FAM13C: variants seen among roughly 807,000 people sequenced by gnomAD.
FAM13C encodes family with sequence similarity 13 member C.
FAM13C carries 37 observed loss-of-function variants against 73.2 expected under a neutral mutation model. The observed-to-expected ratio is 0.51, with a 90% CI of 0.39 to 0.67. The LOEUF is 0.67. Ranked by LOEUF, FAM13C falls within the 30% of genes least tolerant of loss-of-function variation. The probability of loss-of-function intolerance (pLI) is 0.00; values close to 1 mark genes in which losing one functional copy is unlikely to be tolerated. For missense variants in FAM13C, 589 were observed against 715.6 expected (o/e 0.82, Z 2.02); for synonymous variants, 246 against 260.9 (o/e 0.94, Z 0.55).
chr10:59,355,926 A>C lies in FAM13C; in HGVS notation c.80T>G (p.Val27Gly), dbSNP rs1855660430. 2 of 1,613,914 alleles carry C rather than the reference A, an allele frequency of 1.2e-6. No individual in the cohort carries two copies. Among genetic ancestry groups the C allele is most frequent in the Non-Finnish European group, 1.7e-6 (2 of 1,179,918 alleles). The stretch of plus-strand genomic sequence containing the variant: ...ATCAGTCTGGTCTTCATGTAGAGAG[A>C]CTGGATCTTCGTCACACCTGGAAGA... ...TTVTECDEDP[V>G]SLHEDQTDCS... The change falls in exon 2 of 14, where the codon GTC (valine) becomes GGC (glycine). Residue 27 changes from valine (V) to glycine (G), a missense_variant. By Grantham distance (109) the Val-to-Gly change is moderately radical. Transcript: ENST00000618804.
Position 59,269,992 on chromosome 10 carries a change from A to T in FAM13C, c.710T>A (p.Leu237Gln), listed in dbSNP as rs1310196038. Residue 237 changes from leucine (L) to glutamine (Q), a missense_variant, in exon 7 of 14, where the codon CTG becomes CAG. By Grantham distance (113) the Leu-to-Gln change is moderately radical (BLOSUM62 -2). Coordinates refer to ENST00000618804, the MANE Select transcript of FAM13C (RefSeq NM_198215.4). ...YHITDGDNPL[L>Q]SPRCSIFSQS... The stretch of plus-strand genomic sequence containing the variant: ...GCTGAAGATGGAGCATCGTGGCGAC[A>T]GCAGTGGGTTATCACCATCAGTGAT... 1 of 1,614,034 alleles carries T rather than the reference A, an allele frequency of 6.2e-7. No homozygotes were observed. Among genetic ancestry groups the T allele is most frequent in the Non-Finnish European group, 8.5e-7 (1 of 1,179,916 alleles).
At chr10:59,350,925 G>A (rs151167859) in intron 3 of FAM13C, among the ~76,000 whole-genome samples, 126 of 152,220 alleles carry the variant, frequency 8.3e-4, no homozygotes, top group African/African-American at 2.7e-3. Context: ...CAAAGTTAAC[G>A]CTTATGGAAC....
chr10:59,360,923 C>T, intron 1 of FAM13C: 1 of 706,522 alleles, frequency 1.4e-6, no homozygotes, highest in Non-Finnish European at 2.2e-6. Context: ...TTTGAACCTG[C>T]CGTGCCTGTG....
intron 3 of FAM13C, among the ~76,000 whole-genome samples, chr10:59,349,000 A>T (rs1050588769): frequency 6.6e-6 from 1 of 152,198 alleles, no homozygotes; most frequent in East Asian, 1.9e-4. Flanking sequence ...ATTCATTTTT[A>T]TAAAATCAGA....
At chr10:59,290,476 T>C (rs1846091609) in intron 5 of FAM13C, among the ~76,000 whole-genome samples, 1 of 152,220 alleles carries the variant, frequency 6.6e-6, no homozygotes, top group Non-Finnish European at 1.5e-5. Context: ...TGAATTTCAA[T>C]GTTTCTTGAA....
chr10:59,308,528 C>A (rs1564560055), intron 4 of FAM13C, among the ~76,000 whole-genome samples: 1 of 85,438 alleles, frequency 1.2e-5, no homozygotes, highest in Non-Finnish European at 2.7e-5. Flanking sequence ...CAGCATCACC[C>A]CCATCATCAC....
chr10:59,355,413 A>G (rs7081774), intron 2 of FAM13C, among the ~76,000 whole-genome samples: 20,203 of 152,220 alleles, frequency 0.13, 2,481 homozygotes, highest in African/African-American at 0.32. Flanking sequence ...AGGATGAGAA[A>G]GGAAACATCA....
At chr10:59,353,233 C>T (rs1439487519) in intron 2 of FAM13C, among the ~76,000 whole-genome samples, 1 of 152,136 alleles carries the variant, frequency 6.6e-6, no homozygotes, top group Admixed American at 6.5e-5. Context: ...TCCCTACCCC[C>T]CTCCAGTTAC....
At chr10:59,361,861 C>T (rs776439673) in intron 1 of FAM13C, among the ~76,000 whole-genome samples, 3 of 152,024 alleles carry the variant, frequency 2.0e-5, no homozygotes, top group Non-Finnish European at 1.5e-5. Flanking sequence ...GTGACTCATT[C>T]GTCCCATAGT....
chr10:59,339,353 G>A (rs1007253609), intron 3 of FAM13C, among the ~76,000 whole-genome samples: 1 of 152,056 alleles, frequency 6.6e-6, no homozygotes, highest in African/African-American at 2.4e-5. Context: ...ATTCCCTATA[G>A]GGAGATTTCA....
intron 6 of FAM13C, among the ~76,000 whole-genome samples, chr10:59,271,880 T>C (rs1216962894): frequency 1.3e-5 from 2 of 152,212 alleles, no homozygotes; most frequent in Non-Finnish European, 2.9e-5. Flanking sequence ...ATATTTTTAC[T>C]GAAATGGAAA....
At chr10:59,328,938 A>G (rs1471489220) in intron 3 of FAM13C, among the ~76,000 whole-genome samples, 1 of 152,180 alleles carries the variant, frequency 6.6e-6, no homozygotes, top group African/African-American at 2.4e-5. Context: ...ATCACCCAAG[A>G]GTCCCTTTTT....
At chr10:59,257,679 A>G (rs1421270623) in intron 10 of FAM13C, among the ~76,000 whole-genome samples, 1 of 152,168 alleles carries the variant, frequency 6.6e-6, no homozygotes, top group African/African-American at 2.4e-5. Flanking sequence ...CTGACCATTT[A>G]AATTAAACAA....
chr10:59,267,448 C>A (rs1387840020), intron 8 of FAM13C, among the ~76,000 whole-genome samples: 1 of 152,178 alleles, frequency 6.6e-6, no homozygotes, highest in Non-Finnish European at 1.5e-5. Flanking sequence ...ATGTGTTGAG[C>A]TCCCTTCTGC....
chr10:59,335,523 C>T (rs1236902880), intron 3 of FAM13C, among the ~76,000 whole-genome samples: 1 of 152,198 alleles, frequency 6.6e-6, no homozygotes, highest in Admixed American at 6.5e-5. Flanking sequence ...CACCCCCTAC[C>T]AGCGCCACTC....
intron 3 of FAM13C, among the ~76,000 whole-genome samples, chr10:59,348,844 C>T (rs1195601802): frequency 6.6e-6 from 1 of 152,146 alleles, no homozygotes; most frequent in Non-Finnish European, 1.5e-5. Flanking sequence ...CTATGTTGGC[C>T]AGGCTGGTCT....
At chr10:59,312,047 A>C (rs2133937870) in intron 4 of FAM13C, among the ~76,000 whole-genome samples, 1 of 151,794 alleles carries the variant, frequency 6.6e-6, no homozygotes, top group African/African-American at 2.4e-5. Context: ...AAACCTCATC[A>C]CACAAATGAA....
chr10:59,339,326 C>G (rs1853184317), intron 3 of FAM13C, among the ~76,000 whole-genome samples: 2 of 152,140 alleles, frequency 1.3e-5, no homozygotes, highest in South Asian at 4.1e-4. Flanking sequence ...CTCCCTTCAA[C>G]ATACAAGAGG....
intron 5 of FAM13C, among the ~76,000 whole-genome samples, chr10:59,292,983 C>G (rs1351907556): frequency 6.6e-6 from 1 of 151,878 alleles, no homozygotes; most frequent in Non-Finnish European, 1.5e-5. Flanking sequence ...CCAATCCCTC[C>G]CTGTCTCTCT....
Sources: allele counts gnomAD v4.1 joint callset (sites outside exome capture counted in the v4.1 genomes callset), GRCh38; gene constraint gnomAD v4.1.1; transcripts MANE v1.5; gene names NCBI Gene and HGNC (gene_info 2026-07-23, HGNC 2026-07-21).